The following LMNB2 variants were observed in gnomAD, a reference collection of about 807,000 sequenced individuals.
The protein encoded by LMNB2 is lamin-B2.
LMNB2 carries 17 observed loss-of-function variants against 69.3 expected under a neutral mutation model. The ratio of observed to expected loss-of-function variants is 0.25; its 90% CI spans 0.17 to 0.37. The LOEUF (loss-of-function observed/expected upper bound fraction) is 0.37, where lower values mean the gene tolerates loss of function less well. Ranked by LOEUF, LMNB2 falls within the 10% of genes least tolerant of loss-of-function variation. The probability of loss-of-function intolerance (pLI) is 1.00; values close to 1 mark genes in which losing one functional copy is unlikely to be tolerated. For synonymous variants in LMNB2, 397 were observed against 389.3 expected (o/e 1.02, Z -0.23); for missense variants, 789 against 883.6 (o/e 0.89, Z 1.36).
chr19:2,430,620 C>T lies in LMNB2; in HGVS notation c.*291G>A. On this transcript the variant is annotated 3_prime_UTR_variant, in exon 12 of 12. Coordinates refer to ENST00000325327, the MANE Select transcript of LMNB2 (RefSeq NM_032737.4). ...TCGCCGGCCCTCCTCCCTCCAAGCC[C>T]AAGCATCTTCTAAACCTCCGGGTCC... is the stretch of plus-strand genomic sequence containing the variant. 2.0e-6 allele frequency: 1 copy of T among 510,328 alleles called. No individual in the cohort carries two copies. Among genetic ancestry groups the T allele is most frequent in the South Asian group, 2.0e-5 (1 of 49,294 alleles). The allele number at this position is 510,328 out of a possible 1,614,324, so 31.6% of individuals were successfully genotyped here. A position where few individuals can be genotyped will look rare whatever the true frequency, so the allele number is the denominator to read the frequency against.
intron 11 of LMNB2, 124 bp downstream of exon 11, chr19:2,431,424 G>A: frequency 2.4e-6 from 3 of 1,273,310 alleles, no homozygotes; most frequent in East Asian, 2.3e-5. Flanking sequence ...GCTTCACCCT[G>A]AGCCACGGCA....
chr19:2,437,331 G>A (rs553940662), intron 4 of LMNB2, among the ~76,000 whole-genome samples: 3 of 152,352 alleles, frequency 2.0e-5, no homozygotes, highest in South Asian at 2.1e-4. Context: ...CCTCACCCTC[G>A]CTTTGGACAA....
In LMNB2 at chr19:2,438,172, C is replaced by A. The variant is rs746116310; in HGVS notation, c.675G>T (p.Val225=). The stretch of plus-strand genomic sequence containing the variant: ...CAGGCCACTCACTCACCTCCTCGAA[C>A]ACACTCTTCCGGAAGTCCAGCTCCT... ...LQEELDFRKS[V]FEEEVRETRR... The change falls in exon 4 of 12, where the codon GTG becomes GTT. Residue 225 remains valine, a synonymous_variant. Transcript: ENST00000325327. 3 of 1,613,870 alleles carry A rather than the reference C, an allele frequency of 1.9e-6. No homozygotes were observed. Among genetic ancestry groups the A allele is most frequent in the Non-Finnish European group, 2.5e-6 (3 of 1,180,042 alleles).
intron 2 of LMNB2, among the ~76,000 whole-genome samples, chr19:2,439,218 T>G (rs1219086736): frequency 6.6e-6 from 1 of 151,922 alleles, no homozygotes; most frequent in East Asian, 1.9e-4. Context: ...ATTATAAGTC[T>G]TGGAGCTGAA....
chr19:2,442,814 T>C (rs922899512), intron 2 of LMNB2, among the ~76,000 whole-genome samples: 1 of 152,128 alleles, frequency 6.6e-6, no homozygotes, highest in Non-Finnish European at 1.5e-5. Flanking sequence ...TGGGAATTCC[T>C]CAACACCTAG....
rs939031670 is a variant in LMNB2 at position 2,444,443 on chromosome 19, A to G, written c.362T>C (p.Ile121Thr). The G allele has an allele frequency of 6.2e-7, 1 of 1,613,368 alleles. No individual in the cohort carries two copies. Among genetic ancestry groups the G allele is most frequent in the African/African-American group, 1.3e-5 (1 of 74,904 alleles). ...ARERARLQIE[I>T]GKLRAELDEV... ...GTCCAACTCTGCCCTCAGCTTCCCA[A>G]TCTCTATCTGCAGCCGGGCACGCTC... Residue 121 changes from isoleucine (I) to threonine (T), a missense_variant, in exon 2 of 12, where the codon ATT (isoleucine) becomes ACT (threonine). Physicochemically the swap from Ile to Thr is moderately conservative, Grantham distance 89 (BLOSUM62 -1). This residue lies in a region of LMNB2 where 145 missense variants were observed against 228.9 expected (regional missense o/e 0.63). Transcript: ENST00000325327.
rs551737995 is a variant in LMNB2 at position 2,433,957 on chromosome 19, C to T, written c.1351G>A (p.Val451Ile). Reference protein sequence around the residue: ...VEEPLGSGPSVLGTGTGGSGG... With the variant: ...VEEPLGSGPSILGTGTGGSGG... Reference sequence around the variant, plus strand: ...CTGCCACCCGTGCCCGTGCCCAGGACGCTTGGGCCGCTGCCCAAGGGCTCC... The same window carrying T: ...CTGCCACCCGTGCCCGTGCCCAGGATGCTTGGGCCGCTGCCCAAGGGCTCC... Residue 451 changes from valine to isoleucine, a missense_variant, in exon 8 of 12, where the codon GTC (valine) becomes ATC (isoleucine). By Grantham distance (29) the Val-to-Ile change is conservative (BLOSUM62 3). Transcript: ENST00000325327. The T allele has an allele frequency of 9.2e-5, 149 of 1,611,438 alleles. No individual in the cohort carries two copies. Among genetic ancestry groups the T allele is most frequent in the Admixed American group, 5.7e-4 (34 of 59,976 alleles).
At position 2,456,670 on chromosome 19, in the gene LMNB2, C is replaced by A. The variant is rs773321399; in HGVS notation, c.264G>T (p.Glu88Asp). 6.5e-7 allele frequency: 1 copy of A among 1,532,520 alleles called. No homozygotes were observed. Among genetic ancestry groups the A allele is most frequent in the Non-Finnish European group, 8.8e-7 (1 of 1,139,990 alleles). The allele number at this position is 1,532,520 out of a possible 1,614,324, so 94.9% of individuals were successfully genotyped here. ...ISEKEEVTTR[E>D]VSGIKALYES... is the part of the protein sequence containing the mutation. ...CCGGCCCCTAAGCCCCGGCGCCCAC[C>A]TCGCGCGTGGTCACCTCCTCCTTCT... is the stretch of plus-strand genomic sequence containing the variant. The change falls in exon 1 of 12, where the codon GAG becomes GAT. Residue 88 changes from glutamate (E) to aspartate (D), a missense_variant and splice_region_variant. Glu to Asp is a conservative substitution (Grantham distance 45, BLOSUM62 2). This residue lies in a region of LMNB2 where 145 missense variants were observed against 228.9 expected (regional missense o/e 0.63). Transcript: ENST00000325327.
intron 1 of LMNB2, among the ~76,000 whole-genome samples, chr19:2,455,677 T>C (rs1359348501): frequency 1.3e-5 from 2 of 152,110 alleles, no homozygotes; most frequent in East Asian, 3.9e-4. Context: ...CACTTTTCAC[T>C]CAGTGCCCTA....
intron 1 of LMNB2, among the ~76,000 whole-genome samples, chr19:2,446,292 T>G (rs1971954829): frequency 6.7e-6 from 1 of 148,698 alleles, no homozygotes; most frequent in African/African-American, 2.5e-5. Flanking sequence ...GAGCCAGGGG[T>G]CACCAGGGCA....
intron 1 of LMNB2, among the ~76,000 whole-genome samples, chr19:2,454,621 C>T (rs139784471): frequency 2.0e-5 from 3 of 152,300 alleles, no homozygotes; most frequent in Admixed American, 2.0e-4. Flanking sequence ...CTCCCAGAAG[C>T]CCACCACGTC....
chr19:2,444,523 C>T lies in LMNB2; in HGVS notation c.282G>A (p.Ala94=), dbSNP rs756740513. ...VTTREVSGIK[A]LYESELADAR... Reference sequence around the variant, plus strand: ...CATCGGCCAGCTCCGACTCGTACAGCGCCTTGATGCCACTCACCTGGGGAG... The same window carrying T: ...CATCGGCCAGCTCCGACTCGTACAGTGCCTTGATGCCACTCACCTGGGGAG... The change falls in exon 2 of 12, where the codon GCG becomes GCA. Residue 94 remains alanine (A), a synonymous_variant. Transcript: ENST00000325327. The T allele has an allele frequency of 1.2e-5, 19 of 1,611,118 alleles. No homozygotes were observed. Among genetic ancestry groups the T allele is most frequent in the East Asian group, 4.5e-5 (2 of 44,884 alleles).
At position 2,429,342 on chromosome 19, in the gene LMNB2, G is replaced by C. The variant is rs1007002227; in HGVS notation, c.*1569C>G. On this transcript the variant is annotated 3_prime_UTR_variant, in exon 12 of 12. Transcript: ENST00000325327. Reference sequence around the variant, plus strand: ...CCAGCCGCCTGACTGGGAGCACAGCGGCGTAGCCTCCAGGAGGAAATGCTT... The same window carrying C: ...CCAGCCGCCTGACTGGGAGCACAGCCGCGTAGCCTCCAGGAGGAAATGCTT... The C allele has an allele frequency of 6.6e-6, 1 of 152,296 alleles. No individual in the cohort carries two copies. Among genetic ancestry groups the C allele is most frequent in the Non-Finnish European group, 1.5e-5 (1 of 68,070 alleles). The allele number at this position is 152,296 out of a possible 1,614,324, so 9.4% of individuals were successfully genotyped here. A position where few individuals can be genotyped will look rare whatever the true frequency, so the allele number is the denominator to read the frequency against.
rs752662394 is a variant in LMNB2 at position 2,431,672 on chromosome 19, G to A, written c.1711-14C>T. 8.7e-6 allele frequency: 14 copies of A among 1,614,074 alleles called. 1 individual carries two copies. The South Asian group carries it at 1.4e-4, about 16-fold the overall frequency. ...CATGGCCACTTCCTGTGCGGGACAG[G>A]ACACGGCGGCATGTCCCGGGATCGG... On this transcript the variant is annotated splice_polypyrimidine_tract_variant and intron_variant, in intron 10 of 11. Transcript: ENST00000325327.
At chr19:2,450,121 C>CATAT (rs944605865) in intron 1 of LMNB2, among the ~76,000 whole-genome samples, 16 of 142,424 alleles carry the variant, frequency 1.1e-4, no homozygotes, top group African/African-American at 3.4e-4. Context: ...TATATATACA[C>CATAT]ATATATATAT....
At chr19:2,432,355 C>A in intron 9 of LMNB2, 61 bp downstream of exon 9, 2 of 1,037,832 alleles carry the variant, frequency 1.9e-6, no homozygotes, top group South Asian at 1.2e-5. Flanking sequence ...TGCCTCCAGT[C>A]CCCTGACCCC....
Position 2,434,355 on chromosome 19 carries a change from T to C in LMNB2, c.1142A>G (p.Lys381Arg). The change falls in exon 7 of 12, where the codon AAG (lysine) becomes AGG (arginine). Residue 381 changes from lysine (K) to arginine (R), a missense_variant. Transcript: ENST00000325327. ...LAEYQELLDVKLALDMEINAY... is the reference protein window; with the variant it reads ...LAEYQELLDVRLALDMEINAY... ...GTTGATCTCCATGTCCAGGGCCAGC[T>C]TCACGTCCAGCAGCTCCTGGTACTC... The C allele has an allele frequency of 6.2e-7, 1 of 1,613,260 alleles. No individual in the cohort carries two copies. Among genetic ancestry groups the C allele is most frequent in the Non-Finnish European group, 8.5e-7 (1 of 1,179,984 alleles).
intron 1 of LMNB2, among the ~76,000 whole-genome samples, chr19:2,454,390 G>T (rs999840059): frequency 1.1e-4 from 17 of 151,792 alleles, no homozygotes; most frequent in African/African-American, 3.9e-4. Flanking sequence ...ATTCTTTCAG[G>T]TTCCCTGTCC....
rs569906631 is a variant in LMNB2 at position 2,430,003 on chromosome 19, G to T, written c.*908C>A. 3 of 152,598 alleles carry T rather than the reference G, an allele frequency of 2.0e-5. No homozygotes were observed. The highest frequency in any genetic ancestry group is 4.8e-5 in the African/African-American group (2 of 41,548). 9.5% of individuals were successfully genotyped at this position (152,598 alleles called of 1,614,324 possible). ...GACGCATGTGTATATATAGGCACAG[G>T]GCAGACGGAGCTGGAACACGGGAGG... On this transcript the variant is annotated 3_prime_UTR_variant, in exon 12 of 12. Transcript: ENST00000325327.
Sources: allele counts gnomAD v4.1 joint callset (sites outside exome capture counted in the v4.1 genomes callset), GRCh38; gene constraint gnomAD v4.1.1; regional missense constraint gnomAD v4.1.1; transcripts MANE v1.5; gene names NCBI Gene and HGNC (gene_info 2026-07-23, HGNC 2026-07-21).